ZNF484: variants seen among roughly 807,000 people sequenced by gnomAD.
ZNF484 encodes KRAB box containing C2H2 type zinc finger bA526D8.4.
Under a neutral mutation model 12.9 loss-of-function variants are expected in ZNF484, and 11 were observed. The ratio of observed to expected loss-of-function variants is 0.85; its 90% CI spans 0.54 to 1.41. The LOEUF is 1.41. ZNF484 is among the 40% of genes most tolerant of loss of function. The pLI is 0.00. For synonymous variants in ZNF484, 289 were observed against 334.1 expected, an observed-to-expected ratio of 0.86 and a Z score of 1.47; for missense variants, 807 against 1,007.7, an observed-to-expected ratio of 0.80 and a Z score of 2.70.
chr9:92,875,511 C>T (rs1857744732), intron 1 of ZNF484, among the ~76,000 whole-genome samples: 1 of 151,870 alleles, frequency 6.6e-6, no homozygotes, highest in Non-Finnish European at 1.5e-5. Flanking sequence ...GCCTTGCTGC[C>T]CCTGAGCCAG....
intron 4 of ZNF484, among the ~76,000 whole-genome samples, chr9:92,849,087 C>G (rs896724087): frequency 3.3e-5 from 5 of 151,642 alleles, no homozygotes; most frequent in Non-Finnish European, 7.4e-5. Flanking sequence ...CATGGAGAAA[C>G]CTCATCTCTA....
At position 92,877,882 on chromosome 9, in the gene ZNF484, C is replaced by T; in HGVS notation, c.-31+8G>A. ...TCAGTCCACAGATGCTGCCATCCCT[C>T]TACTCACCTGCCCCTCACCCACGTC... On this transcript the variant is annotated splice_region_variant and intron_variant, in intron 1 of 4. Transcript: ENST00000375495. 2 of 1,535,690 alleles carry T rather than the reference C, an allele frequency of 1.3e-6. No homozygotes were observed. The highest frequency in any genetic ancestry group is 4.9e-5 in the East Asian group (2 of 40,922).
At chr9:92,855,715 A>T in intron 4 of ZNF484, 96 bp downstream of exon 4, 1 of 1,062,102 alleles carries the variant, frequency 9.4e-7, no homozygotes, top group Non-Finnish European at 1.4e-6. Context: ...GTCATTATTA[A>T]TGACACATCA....
In ZNF484 at chr9:92,849,201, C is replaced by T. The variant is rs557102466; in HGVS notation, c.236-650G>A. ...ACTTGAACCCAGGAGGCAGAGGTTGCGGTGAGCCGAGATCTTGCCATTGCA... is the reference window on the plus strand; with the variant it reads ...ACTTGAACCCAGGAGGCAGAGGTTGTGGTGAGCCGAGATCTTGCCATTGCA... On this transcript the variant is annotated intron_variant, in intron 4 of 4. Coordinates refer to ENST00000375495, the MANE Select transcript of ZNF484 (RefSeq NM_031486.4). Among the ~76,000 whole-genome samples, 413 of 151,400 alleles carry T rather than the reference C, an allele frequency of 2.7e-3. 1 individual carries two copies. The highest frequency in any genetic ancestry group is 0.01 in the Middle Eastern group (3 of 294).
rs1855559588 is a variant in ZNF484 at position 92,846,008 on chromosome 9, C to T, written c.*220G>A. On this transcript the variant is annotated 3_prime_UTR_variant, in exon 5 of 5. Coordinates refer to ENST00000375495, the MANE Select transcript of ZNF484 (RefSeq NM_031486.4). The stretch of plus-strand genomic sequence containing the variant: ...GTTGTGGTACCCAGAACATGAAAAA[C>T]TCAACAGCCATGAATTTATAAAACT... 1.8e-6 allele frequency: 1 copy of T among 548,934 alleles called. No individual in the cohort carries two copies. Among genetic ancestry groups the T allele is most frequent in the African/African-American group, 1.9e-5 (1 of 52,966 alleles). 34.0% of individuals were successfully genotyped at this position (548,934 alleles called of 1,614,324 possible).
At chr9:92,853,909 C>T (rs80340780) in intron 4 of ZNF484, among the ~76,000 whole-genome samples, 2,843 of 151,854 alleles carry the variant, frequency 0.019, 80 homozygotes, top group East Asian at 0.096. Context: ...AGATTTGTTA[C>T]TCACATAATG....
At position 92,855,856 on chromosome 9, in the gene ZNF484, C is replaced by G. The variant is rs752487611; in HGVS notation, c.190G>C (p.Glu64Gln). The G allele has an allele frequency of 6.8e-6, 11 of 1,614,168 alleles. No individual in the cohort carries two copies. In the South Asian group the frequency reaches 1.2e-4, roughly 18 times the overall value. Residue 64 changes from glutamate to glutamine, a missense_variant, in exon 4 of 5, where the codon GAG becomes CAG. Coordinates refer to ENST00000375495, the MANE Select transcript of ZNF484 (RefSeq NM_031486.4). ...ATCTCACCATCCAACATACATGGCTCTTCTTGTTCCAAGCTGAAGATGACT... is the reference window on the plus strand; with the variant it reads ...ATCTCACCATCCAACATACATGGCTGTTCTTGTTCCAAGCTGAAGATGACT... ...PEVIFSLEQEEPCMLDGEIPS... is the reference protein window; with the variant it reads ...PEVIFSLEQEQPCMLDGEIPS...
At chr9:92,867,489 CAA>C (rs915795240) in intron 2 of ZNF484, among the ~76,000 whole-genome samples, 8 of 152,132 alleles carry the variant, frequency 5.3e-5, no homozygotes, top group African/African-American at 1.7e-4. Context: ...TCTCAAAAAA[CAA>C]AGCAAAACAA....
rs1855800416 is a variant in ZNF484 at position 92,848,050 on chromosome 9, G to A, written c.737C>T (p.Thr246Ile). ...AGAAAACAAATAGAGGCTCTCTCTA[G>A]TATGAATTTTCTGTTGTTGAATGAG... ...QALIQQQKIH[T>I]RESLYLFSDY... The change falls in exon 5 of 5, where the codon ACT becomes ATT. Residue 246 changes from threonine to isoleucine, a missense_variant. Physicochemically the swap from Thr to Ile is moderately conservative, Grantham distance 89. Coordinates refer to ENST00000375495, the MANE Select transcript of ZNF484 (RefSeq NM_031486.4). This position sits in a 1 kb window ranked among gnomAD's most constrained non-coding sequence, Gnocchi z 4.1. 3.7e-6 allele frequency: 6 copies of A among 1,614,194 alleles called. No individual in the cohort carries two copies. The highest frequency in any genetic ancestry group is 5.1e-6 in the Non-Finnish European group (6 of 1,180,042).
At position 92,846,568 on chromosome 9, in the gene ZNF484, C is replaced by T. The variant is rs142607608; in HGVS notation, c.2219G>A (p.Arg740Lys). 6.2e-7 allele frequency: 1 copy of T among 1,613,810 alleles called. No homozygotes were observed. Among genetic ancestry groups the T allele is most frequent in the Admixed American group, 1.7e-5 (1 of 59,988 alleles). ...IQKSHLNRHR[R>K]IHTGEKPYEC... is the part of the protein sequence containing the mutation. ...ATAGGGTTTCTCTCCAGTATGAATT[C>T]TCCTGTGTCTATTTAAGTGTGACTT... The change falls in exon 5 of 5, where the codon AGA becomes AAA. Residue 740 changes from arginine (R) to lysine (K), a missense_variant. Physicochemically the swap from Arg to Lys is conservative, Grantham distance 26. Transcript: ENST00000375495.
chr9:92,866,384 GA>G (rs1449983198), intron 2 of ZNF484, among the ~76,000 whole-genome samples: 1 of 152,054 alleles, frequency 6.6e-6, no homozygotes, highest in Non-Finnish European at 1.5e-5. Context: ...ACAATCATAC[GA>G]AAAAAAGCTC....
intron 4 of ZNF484, among the ~76,000 whole-genome samples, chr9:92,849,409 GTAA>G (rs900979543): frequency 4.6e-5 from 7 of 152,160 alleles, no homozygotes; most frequent in African/African-American, 1.7e-4. Flanking sequence ...ATGATGTAGA[GTAA>G]TAATATTAAT....
intron 2 of ZNF484, among the ~76,000 whole-genome samples, chr9:92,870,278 G>A (rs1194387341): frequency 6.6e-6 from 1 of 152,104 alleles, no homozygotes; most frequent in Non-Finnish European, 1.5e-5. Context: ...ATCAACAAGT[G>A]CATACAAAAA....
rs1208213936 is a variant in ZNF484, at chr9:92,845,156, A to G, written c.*1072T>C. The G allele has an allele frequency of 1.3e-5, 2 of 152,204 alleles. No individual in the cohort carries two copies. Among genetic ancestry groups the G allele is most frequent in the African/African-American group, 4.8e-5 (2 of 41,466 alleles). 9.4% of individuals were successfully genotyped at this position (152,204 alleles called of 1,614,324 possible). A position where few individuals can be genotyped will look rare whatever the true frequency, so the allele number is the denominator to read the frequency against. On this transcript the variant is annotated 3_prime_UTR_variant, in exon 5 of 5. Coordinates refer to ENST00000375495, the MANE Select transcript of ZNF484 (RefSeq NM_031486.4). This position sits in a 1 kb window ranked among gnomAD's most constrained non-coding sequence, Gnocchi z 4.0. ...AATGTGTCAATTAACCAGGAAGATTACAACAATTCTAAATTGTATGTAAAA... is the reference window on the plus strand; with the variant it reads ...AATGTGTCAATTAACCAGGAAGATTGCAACAATTCTAAATTGTATGTAAAA...
At chr9:92,871,709 G>A (rs929595432) in intron 2 of ZNF484, among the ~76,000 whole-genome samples, 10 of 152,170 alleles carry the variant, frequency 6.6e-5, no homozygotes, top group African/African-American at 2.4e-4. Context: ...ATTACCCACA[G>A]GAGAAAAACA....
chr9:92,860,239 G>A (rs894305424), intron 2 of ZNF484, among the ~76,000 whole-genome samples: 1 of 152,146 alleles, frequency 6.6e-6, no homozygotes, highest in Non-Finnish European at 1.5e-5. Context: ...AAGATTTAGA[G>A]GTTACCTCCC....
Position 92,848,442 on chromosome 9 carries a change from T to C in ZNF484, c.345A>G (p.Leu115=), listed in dbSNP as rs755368160. The change falls in exon 5 of 5, where the codon TTA becomes TTG. Residue 115 remains leucine, a synonymous_variant. Coordinates refer to ENST00000375495, the MANE Select transcript of ZNF484 (RefSeq NM_031486.4). The surrounding 1 kb of genome is among the most constrained non-coding windows in gnomAD (Gnocchi z 4.1). ...GTTCATCGTCTTTCCACAATTCTTC[T>C]AAAATGGAATATGGGTCATCTCTTG... ...LFTRDDPYSI[L]EELWKDDEHT... 9.3e-6 allele frequency: 15 copies of C among 1,614,146 alleles called. No homozygotes were observed. The Admixed American group carries it at 2.5e-4, about 27-fold the overall frequency.
rs1587718981 is a variant in ZNF484 at position 92,844,278 on chromosome 9, T to G, written c.*1950A>C. ...CAGCAAAATTCAAGAAAAATAACCA[T>G]TAGAAAACAGGCCAACAGAACTGGG... On this transcript the variant is annotated 3_prime_UTR_variant, in exon 5 of 5. Coordinates refer to ENST00000375495, the MANE Select transcript of ZNF484 (RefSeq NM_031486.4). Among the ~76,000 whole-genome samples the G allele has an allele frequency of 6.6e-6, 1 of 152,052 alleles. No homozygotes were observed.
In ZNF484 at chr9:92,877,989, G is replaced by T; in HGVS notation, c.-130C>A. On this transcript the variant is annotated 5_prime_UTR_variant, in exon 1 of 5. Coordinates refer to ENST00000375495, the MANE Select transcript of ZNF484 (RefSeq NM_031486.4). ...CAGGACCCACTTCCTTTTTCTCAAT[G>T]CCTCCCAGGCCTAGAGGTACTTCTT... 1 of 895,014 alleles carries T rather than the reference G, an allele frequency of 1.1e-6. No individual in the cohort carries two copies. The highest frequency in any genetic ancestry group is 2.4e-5 in the Admixed American group (1 of 41,460). 55.4% of individuals were successfully genotyped at this position (895,014 alleles called of 1,614,324 possible).
Sources: allele counts gnomAD v4.1 joint callset (sites outside exome capture counted in the v4.1 genomes callset), GRCh38; gene constraint gnomAD v4.1.1; non-coding constraint Gnocchi (gnomAD v3.1); transcripts MANE v1.5; gene names NCBI Gene and HGNC (gene_info 2026-07-23, HGNC 2026-07-21).